Variants in SMG9 observed in about 807,000 individuals in gnomAD.
The protein encoded by SMG9 is SMG9 nonsense mediated mRNA decay factor, also known as nonsense-mediated mRNA decay factor SMG9.
A neutral mutation model predicts 64.0 loss-of-function variants in SMG9; 55 were observed. The observed-to-expected ratio is 0.86, with a 90% CI of 0.69 to 1.08. The LOEUF (loss-of-function observed/expected upper bound fraction) is 1.08. SMG9 is among the 50% of genes least tolerant of loss of function. SMG9 has a pLI of 0.00. For synonymous variants in SMG9, 244 were observed against 254.8 expected (o/e 0.96, Z 0.41); for missense variants, 554 against 681.3 (o/e 0.81, Z 2.08).
intron 12 of SMG9, 124 bp from the exon 13 acceptor site, chr19:43,733,126 C>T (rs1968539304): frequency 7.4e-7 from 1 of 1,344,964 alleles, no homozygotes; most frequent in Non-Finnish European, 1.0e-6. Context: ...TCCTGTACTT[C>T]TATGACTCTG....
At position 43,747,985 on chromosome 19, in the gene SMG9, G is replaced by T; in HGVS notation, c.218C>A (p.Ala73Glu). The T allele has an allele frequency of 6.2e-7, 1 of 1,614,180 alleles. No individual in the cohort carries two copies. The highest frequency in any genetic ancestry group is 8.5e-7 in the Non-Finnish European group (1 of 1,180,018). The stretch of plus-strand genomic sequence containing the variant: ...CCCTCCTTCTCTGCTCACCCGCTCT[G>T]CTGGAGGTTTTGAGAGGATGATGGG... The part of the protein sequence containing the change: ...KTPIILSKPP[A>E]ERSKQPPPPT... Residue 73 changes from alanine (A) to glutamate (E), a missense_variant, in exon 3 of 14, where the codon GCA becomes GAA. Transcript: ENST00000270066.
At chr19:43,749,939 A>G (rs1599659725) in intron 2 of SMG9, among the ~76,000 whole-genome samples, 1 of 152,376 alleles carries the variant, frequency 6.6e-6, no homozygotes, top group East Asian at 1.9e-4. Context: ...AGTGAAAATC[A>G]GATCTATCAT....
chr19:43,742,448 T>A (rs28446957), intron 6 of SMG9, among the ~76,000 whole-genome samples: 37,474 of 151,960 alleles, frequency 0.25, 4,834 homozygotes, highest in African/African-American at 0.33. Flanking sequence ...TAAAAAATAG[T>A]AATAATTTTT....
rs868763317 is a variant in SMG9 at position 43,732,948 on chromosome 19, C to G, written c.1394G>C (p.Ser465Thr). 6.2e-7 allele frequency: 1 copy of G among 1,613,730 alleles called. No individual in the cohort carries two copies. The highest frequency in any genetic ancestry group is 8.5e-7 in the Non-Finnish European group (1 of 1,179,950). Residue 465 changes from serine (S) to threonine (T), a missense_variant, in exon 13 of 14, where the codon AGT (serine) becomes ACT (threonine). Ser to Thr is a moderately conservative substitution (Grantham distance 58, BLOSUM62 1). Transcript: ENST00000270066. Reference sequence around the variant, plus strand: ...GAGCTTGCTCACCAAGGACTGGAAACTGGGGTGGCCACGATACCCAGGCAG... The same window carrying G: ...GAGCTTGCTCACCAAGGACTGGAAAGTGGGGTGGCCACGATACCCAGGCAG... ...SLLPGYRGHP[S>T]FQSLVSKLRS...
In SMG9 at chr19:43,731,464, C is replaced by A. The variant is rs1414439512; in HGVS notation, c.*132G>T. 3 of 1,492,338 alleles carry A rather than the reference C, an allele frequency of 2.0e-6. No individual in the cohort carries two copies. The African/African-American group carries it at 4.2e-5, about 21-fold the overall frequency. The allele number at this position is 1,492,338 out of a possible 1,614,324, so 92.4% of individuals were successfully genotyped here. ...GCCCTGGACACCTCATGTCTCTGGG[C>A]CGGGAAGCCACGATCCCTCATCCAT... On this transcript the variant is annotated 3_prime_UTR_variant, in exon 14 of 14. Coordinates refer to ENST00000270066, the MANE Select transcript of SMG9 (RefSeq NM_019108.4).
At chr19:43,734,543 G>T in intron 9 of SMG9, 48 bp from the exon 10 acceptor site, 1 of 1,342,582 alleles carries the variant, frequency 7.4e-7, no homozygotes, top group Non-Finnish European at 1.0e-6. Flanking sequence ...TGCACCCCAG[G>T]TCCCACAGCC....
chr19:43,747,470 TG>T lies in SMG9; in HGVS notation c.559del (p.Gln187ArgfsTer2). On this transcript the variant is annotated frameshift_variant, in exon 5 of 14. Transcript: ENST00000270066. LOFTEE classifies it high-confidence loss of function. ...MKHSIKLVDD[Q>X]MNWCDSAIEY... is the part of the protein sequence containing the mutation. ...GATGGCACTGTCACACCAATTCATCTGGTCATCCACCAACTTGATGCTGTGC... is the reference window on the plus strand; with the variant it reads ...GATGGCACTGTCACACCAATTCATCTGTCATCCACCAACTTGATGCTGTGC... The T allele has an allele frequency of 6.2e-7, 1 of 1,614,064 alleles. No individual in the cohort carries two copies. The highest frequency in any genetic ancestry group is 8.5e-7 in the Non-Finnish European group (1 of 1,180,032).
chr19:43,750,474 G>A, intron 2 of SMG9, 118 bp downstream of exon 2: 1 of 1,168,252 alleles, frequency 8.6e-7, no homozygotes, highest in Non-Finnish European at 1.2e-6. Flanking sequence ...CTTTATCCAT[G>A]AGGGTGGTAG....
In SMG9 at chr19:43,740,147, A is replaced by T; in HGVS notation, c.773T>A (p.Phe258Tyr). 1 of 1,614,142 alleles carries T rather than the reference A, an allele frequency of 6.2e-7. No individual in the cohort carries two copies. Among genetic ancestry groups the T allele is most frequent in the African/African-American group, 1.3e-5 (1 of 75,032 alleles). Residue 258 changes from phenylalanine to tyrosine, a missense_variant, in exon 7 of 14, where the codon TTC (phenylalanine) becomes TAC (tyrosine). Coordinates refer to ENST00000270066, the MANE Select transcript of SMG9 (RefSeq NM_019108.4). ...RGGNQTSGIDFFITQERIVFL... is the reference protein window; with the variant it reads ...RGGNQTSGIDYFITQERIVFL... Reference sequence around the variant, plus strand: ...AACAATCCGTTCTTGGGTAATAAAGAAGTCGATGCCACTGGTCTGGTTGCC... The same window carrying T: ...AACAATCCGTTCTTGGGTAATAAAGTAGTCGATGCCACTGGTCTGGTTGCC...
chr19:43,754,027 T>C (rs994516117), intron 1 of SMG9, among the ~76,000 whole-genome samples: 7 of 152,100 alleles, frequency 4.6e-5, no homozygotes, highest in African/African-American at 1.7e-4. Flanking sequence ...TATTTAAGTG[T>C]CTGCTGATGG....
At chr19:43,736,625 C>T (rs1968676333) in intron 9 of SMG9, among the ~76,000 whole-genome samples, 1 of 152,220 alleles carries the variant, frequency 6.6e-6, no homozygotes, top group South Asian at 2.1e-4. Flanking sequence ...CAAGCCAGCT[C>T]CTCATGCTCC....
chr19:43,746,818 T>C (rs1353139857), intron 5 of SMG9, among the ~76,000 whole-genome samples: 1 of 138,842 alleles, frequency 7.2e-6, no homozygotes. Flanking sequence ...GGCTTCTTGT[T>C]CTTTTTTTTT....
In SMG9 at chr19:43,750,296, C is replaced by A. The variant is rs973267616; in HGVS notation, c.150+296G>T. The A allele has an allele frequency of 1.0e-5, 6 of 591,290 alleles. No homozygotes were observed. In the African/African-American group the frequency reaches 1.1e-4, roughly 11 times the overall value. 36.6% of individuals were successfully genotyped at this position (591,290 alleles called of 1,614,324 possible). On this transcript the variant is annotated intron_variant, in intron 2 of 13. Transcript: ENST00000270066. ...TGAACACGCCAGATATGGGCCACCT[C>A]AGGGCCTCTGCGCTTGCTGTTCTTT...
At chr19:43,738,891 T>C (rs1291679617) in intron 7 of SMG9, among the ~76,000 whole-genome samples, 1 of 152,242 alleles carries the variant, frequency 6.6e-6, no homozygotes, top group Non-Finnish European at 1.5e-5. Context: ...CAGGTCTCCA[T>C]GGCCCCTGCA....
At chr19:43,733,551 G>A (rs561257157) in intron 11 of SMG9, 75 bp downstream of exon 11, 4 of 1,606,382 alleles carry the variant, frequency 2.5e-6, no homozygotes, top group African/African-American at 1.3e-5. Flanking sequence ...TAGTCTGGGG[G>A]TAGAGACTGA....
At chr19:43,746,088 G>A (rs780823160) in intron 5 of SMG9, among the ~76,000 whole-genome samples, 7 of 152,152 alleles carry the variant, frequency 4.6e-5, no homozygotes, top group Non-Finnish European at 1.0e-4. Context: ...CTGGAGAACT[G>A]CTTGAACCCG....
chr19:43,747,088 G>A (rs1466168947), intron 5 of SMG9, among the ~76,000 whole-genome samples: 1 of 152,138 alleles, frequency 6.6e-6, no homozygotes, highest in African/African-American at 2.4e-5. Context: ...AAAGTGCTGG[G>A]ATTACAGGCA....
intron 2 of SMG9, among the ~76,000 whole-genome samples, chr19:43,749,597 C>T (rs913215105): frequency 6.6e-6 from 1 of 152,200 alleles, no homozygotes; most frequent in Non-Finnish European, 1.5e-5. Context: ...AAAAACTATT[C>T]TTCATGTTTG....
In SMG9 at chr19:43,752,916, A is replaced by AAAAAAAAAAAAAG. The variant is rs1433797448; in HGVS notation, c.-7+1737_-7+1738insCTTTTTTTTTTTT. On this transcript the variant is annotated intron_variant, in intron 1 of 13. Coordinates refer to ENST00000270066, the MANE Select transcript of SMG9 (RefSeq NM_019108.4). Reference sequence around the variant, plus strand: ...AAGACCCTGTCTAAAAAAAAAAAAAAGCAGAACCCTGTCTCAAAAAAACAG... The same window carrying AAAAAAAAAAAAAG: ...AAGACCCTGTCTAAAAAAAAAAAAAAAAAAAAAAAAAAGGCAGAACCCTGTCTCAAAAAAACAG... Among the ~76,000 whole-genome samples, 773 of 148,718 alleles carry AAAAAAAAAAAAAG rather than the reference A, an allele frequency of 5.2e-3. 12 individuals are homozygous for AAAAAAAAAAAAAG. Among genetic ancestry groups the AAAAAAAAAAAAAG allele is most frequent in the African/African-American group, 0.017 (669 of 39,394 alleles).
Sources: gnomAD v4.1 joint callset for allele counts (sites outside exome capture counted in the v4.1 genomes callset) on GRCh38, gnomAD v4.1.1 for gene constraint, MANE v1.5 for transcripts, NCBI Gene and HGNC (gene_info 2026-07-23, HGNC 2026-07-21) for gene names.